NDUFB5: variants seen among roughly 807,000 people sequenced by gnomAD.
The protein encoded by NDUFB5 is NADH:ubiquinone oxidoreductase subunit B5, also known as NADH dehydrogenase [ubiquinone] 1 beta subcomplex subunit 5, mitochondrial.
In NDUFB5, 19 loss-of-function variants were observed where a neutral mutation model predicts 19.4. That is an observed-to-expected ratio of 0.98 (90% CI 0.68 to 1.43). The LOEUF is 1.43. Among genes scored for constraint, NDUFB5 ranks in the 40% most tolerant of loss-of-function variants. NDUFB5 has a pLI of 0.00. For synonymous variants in NDUFB5, 80 were observed against 82.6 expected (o/e 0.97, Z 0.17); for missense variants, 233 against 236.5 (o/e 0.99, Z 0.10).
At chr3:179,614,783 G>T in intron 1 of NDUFB5, 188 bp from the exon 2 acceptor site, 1 of 351,396 alleles carries the variant, frequency 2.8e-6, no homozygotes, top group Non-Finnish European at 5.2e-6. Context: ...CATGTCAGAT[G>T]GGTAATGTGC....
At chr3:179,614,082 A>G (rs1278420813) in intron 1 of NDUFB5, among the ~76,000 whole-genome samples, 10 of 152,210 alleles carry the variant, frequency 6.6e-5, no homozygotes, top group Non-Finnish European at 1.3e-4. Flanking sequence ...TATCCTTGAG[A>G]GTAGTTACAC....
rs890940633 is a variant in NDUFB5 at position 179,608,198 on chromosome 3, G to GT, written c.124+3268dup. ...GAGAGTTTTTTTTTTGTTTTGTTTT[G>GT]TTTTTTTTTGAAACAGAGTCTCACT... On this transcript the variant is annotated intron_variant, in intron 1 of 5. Transcript: ENST00000259037. Among the ~76,000 whole-genome samples, 809 of 148,080 alleles carry GT rather than the reference G, an allele frequency of 5.5e-3. 2 individuals carry two copies. Among genetic ancestry groups the GT allele is most frequent in the Middle Eastern group, 0.017 (5 of 288 alleles).
intron 1 of NDUFB5, among the ~76,000 whole-genome samples, chr3:179,605,168 A>G (rs1163662950): frequency 1.3e-5 from 2 of 152,158 alleles, no homozygotes; most frequent in Admixed American, 6.5e-5. Flanking sequence ...CACCATCCCA[A>G]TTAATGCTAA....
intron 1 of NDUFB5, among the ~76,000 whole-genome samples, chr3:179,609,619 C>G (rs371971597): frequency 1.6e-4 from 24 of 152,304 alleles, no homozygotes; most frequent in African/African-American, 5.8e-4. Flanking sequence ...ATGTATCTTA[C>G]TAGGATTCCA....
At chr3:179,605,935 G>A (rs1319588646) in intron 1 of NDUFB5, among the ~76,000 whole-genome samples, 1 of 152,068 alleles carries the variant, frequency 6.6e-6, no homozygotes, top group Non-Finnish European at 1.5e-5. Context: ...GAGGCTACAG[G>A]TGCACACCAC....
intron 5 of NDUFB5, among the ~76,000 whole-genome samples, chr3:179,623,693 A>G (rs1391014725): frequency 6.6e-6 from 1 of 152,168 alleles, no homozygotes; most frequent in Non-Finnish European, 1.5e-5. Flanking sequence ...AAAACAACAA[A>G]AAAACTGTTT....
intron 4 of NDUFB5, chr3:179,617,407 G>C (rs1010255009): frequency 6.4e-6 from 1 of 157,458 alleles, no homozygotes; most frequent in Non-Finnish European, 1.4e-5. Context: ...CAAAGTCCTG[G>C]GATTAAATGT....
chr3:179,607,776 C>T, intron 1 of NDUFB5: 3 of 698,814 alleles, frequency 4.3e-6, no homozygotes, highest in Non-Finnish European at 7.8e-6. Context: ...AACCACCATT[C>T]TGCTGTCTTT....
chr3:179,612,782 C>T (rs1452042048), intron 1 of NDUFB5, among the ~76,000 whole-genome samples: 4 of 152,092 alleles, frequency 2.6e-5, no homozygotes, highest in East Asian at 3.9e-4. Context: ...AGCCAAAAAC[C>T]GCAATTACTT....
At position 179,617,831 on chromosome 3, in the gene NDUFB5, A is replaced by G. The variant is rs1206588229; in HGVS notation, c.343-584A>G. Among the ~76,000 whole-genome samples, 5 of 152,148 alleles carry G rather than the reference A, an allele frequency of 3.3e-5. No individual in the cohort carries two copies. The East Asian group carries it at 5.8e-4, about 18-fold the overall frequency. On this transcript the variant is annotated intron_variant, in intron 4 of 5. Coordinates refer to ENST00000259037, the MANE Select transcript of NDUFB5 (RefSeq NM_002492.4). Reference sequence around the variant, plus strand: ...TGGGGTCACTATTTCAACCCGGGCAACTTTGACTCCAGAGCCTGAACTGTT... The same window carrying G: ...TGGGGTCACTATTTCAACCCGGGCAGCTTTGACTCCAGAGCCTGAACTGTT...
intron 4 of NDUFB5, 38 bp downstream of exon 4, chr3:179,617,082 G>A: frequency 1.4e-6 from 2 of 1,443,290 alleles, no homozygotes; most frequent in Non-Finnish European, 1.9e-6. Context: ...ACTGTTACAT[G>A]CCTTGTCAAC....
chr3:179,620,279 A>G (rs890841344), intron 5 of NDUFB5, among the ~76,000 whole-genome samples: 4 of 151,900 alleles, frequency 2.6e-5, no homozygotes, highest in South Asian at 2.1e-4. Context: ...GCCCATGCCT[A>G]TATCCTGAAT....
intron 5 of NDUFB5, 82 bp from the exon 6 acceptor site, chr3:179,623,838 T>C: frequency 6.5e-7 from 1 of 1,533,270 alleles, no homozygotes; most frequent in Non-Finnish European, 9.0e-7. Context: ...CAGACTCCAG[T>C]GATTGTCCTT....
At chr3:179,612,752 A>G (rs1442188874) in intron 1 of NDUFB5, among the ~76,000 whole-genome samples, 1 of 152,030 alleles carries the variant, frequency 6.6e-6, no homozygotes, top group African/African-American at 2.4e-5. Flanking sequence ...CTGGGATTAC[A>G]GGCGTGAGCC....
chr3:179,607,038 T>G (rs1719121239), intron 1 of NDUFB5, among the ~76,000 whole-genome samples: 1 of 152,234 alleles, frequency 6.6e-6, no homozygotes. Context: ...TCTGGTAGTA[T>G]TCAATCAAAT....
chr3:179,607,323 T>C (rs181444304), intron 1 of NDUFB5, among the ~76,000 whole-genome samples: 1 of 152,352 alleles, frequency 6.6e-6, no homozygotes, highest in East Asian at 1.9e-4. Context: ...AGCTCTAATG[T>C]AGTAGAGAGC....
At position 179,625,260 on chromosome 3, in the gene NDUFB5, CATCTT is replaced by C. The variant is rs1414472172; in HGVS notation, c.*1222_*1226del. 2 of 152,170 alleles carry C rather than the reference CATCTT, an allele frequency of 1.3e-5. No individual in the cohort carries two copies. Among genetic ancestry groups the C allele is most frequent in the Non-Finnish European group, 2.9e-5 (2 of 68,034 alleles). 9.4% of individuals were successfully genotyped at this position (152,170 alleles called of 1,614,324 possible). On this transcript the variant is annotated 3_prime_UTR_variant, in exon 6 of 6. Coordinates refer to ENST00000259037, the MANE Select transcript of NDUFB5 (RefSeq NM_002492.4). ...CCTGTAACAGCTTATCAATGCATCT[CATCTT>C]AGAAGTATGTTTTACATTCTTCATA... is the stretch of plus-strand genomic sequence containing the variant.
At chr3:179,611,987 T>A (rs1719253706) in intron 1 of NDUFB5, among the ~76,000 whole-genome samples, 2 of 150,534 alleles carry the variant, frequency 1.3e-5, no homozygotes, top group Non-Finnish European at 3.0e-5. Context: ...AATAATTTAA[T>A]TTTTTTTTGA....
At chr3:179,610,208 T>G (rs150799802) in intron 1 of NDUFB5, among the ~76,000 whole-genome samples, 2,843 of 152,302 alleles carry the variant, frequency 0.019, 99 homozygotes, top group African/African-American at 0.065. Context: ...TCCTCTCGCC[T>G]CAGCCTCCTG....
Sources: gnomAD v4.1 joint callset for allele counts (sites outside exome capture counted in the v4.1 genomes callset) on GRCh38, gnomAD v4.1.1 for gene constraint, MANE v1.5 for transcripts, NCBI Gene and HGNC (gene_info 2026-07-23, HGNC 2026-07-21) for gene names.